Variants in CNTNAP2 observed in about 807,000 individuals in gnomAD.
CNTNAP2 encodes contactin associated protein 2, also known as contactin-associated protein-like 2.
CNTNAP2 carries 98 observed loss-of-function variants against 155.2 expected under a neutral mutation model. That is an observed-to-expected ratio of 0.63 (90% CI 0.54 to 0.75). The LOEUF (loss-of-function observed/expected upper bound fraction) is 0.75. Among genes scored for constraint, CNTNAP2 ranks in the 30% least tolerant of loss-of-function variants. The pLI, the probability that CNTNAP2 is intolerant of heterozygous loss-of-function variation, is 0.00. For missense variants in CNTNAP2, 1,727 were observed against 1,688.1 expected, an observed-to-expected ratio of 1.02 and a Z score of -0.40; for synonymous variants, 651 against 631.2, an observed-to-expected ratio of 1.03 and a Z score of -0.47.
chr7:148,234,421 T>C (rs1185665049), intron 20 of CNTNAP2, among the ~76,000 whole-genome samples: 1 of 152,268 alleles, frequency 6.6e-6, no homozygotes, highest in Non-Finnish European at 1.5e-5. Flanking sequence ...ATATGCTATG[T>C]ACCCACCATT....
rs58638014 is a variant in CNTNAP2, at chr7:147,498,171, TA to T, written c.1777+12150del. ...CCTGATGGGAAAGCCCAAGCTATGA[TA>T]AAAAAAAAAAAAAAAAAAATCTCCT... On this transcript the variant is annotated intron_variant, in intron 11 of 23. Coordinates refer to ENST00000361727, the MANE Select transcript of CNTNAP2 (RefSeq NM_014141.6). Among the ~76,000 whole-genome samples, 565 of 130,366 alleles carry T rather than the reference TA, an allele frequency of 4.3e-3. 1 individual carries two copies. Among genetic ancestry groups the T allele is most frequent in the Middle Eastern group, 8.2e-3 (2 of 244 alleles). 85.5% of individuals were successfully genotyped at this position (130,366 alleles called of 152,430 possible). A position where few individuals can be genotyped will look rare whatever the true frequency, so the allele number is the denominator to read the frequency against.
At chr7:147,321,876 T>C (rs1239295433) in intron 9 of CNTNAP2, among the ~76,000 whole-genome samples, 1 of 152,182 alleles carries the variant, frequency 6.6e-6, no homozygotes, top group Non-Finnish European at 1.5e-5. Flanking sequence ...TTTTTATGTA[T>C]AGTACAAACT....
At chr7:146,737,307 T>C (rs1801637833) in intron 1 of CNTNAP2, among the ~76,000 whole-genome samples, 1 of 152,148 alleles carries the variant, frequency 6.6e-6, no homozygotes, top group Non-Finnish European at 1.5e-5. Context: ...TTCAACTCAG[T>C]ATTTTTGAAG....
intron 13 of CNTNAP2, among the ~76,000 whole-genome samples, chr7:147,710,399 A>G (rs1796385898): frequency 6.6e-6 from 1 of 152,138 alleles, no homozygotes; most frequent in South Asian, 2.1e-4. Flanking sequence ...TCTAGCTATA[A>G]CCAGTTATAA....
At chr7:146,329,913 C>T (rs1801154501) in intron 1 of CNTNAP2, among the ~76,000 whole-genome samples, 1 of 151,878 alleles carries the variant, frequency 6.6e-6, no homozygotes, top group South Asian at 2.1e-4. Context: ...ATTTTATACC[C>T]CCATAATTTA....
At chr7:147,135,249 T>C (rs932228238) in intron 8 of CNTNAP2, among the ~76,000 whole-genome samples, 13 of 151,862 alleles carry the variant, frequency 8.6e-5, no homozygotes, top group African/African-American at 3.1e-4. Context: ...ACTTGACTTA[T>C]GAAATTCAGT....
chr7:147,932,955 A>AAAAAGATTG (rs1800532694), intron 14 of CNTNAP2, among the ~76,000 whole-genome samples: 1 of 152,206 alleles, frequency 6.6e-6, no homozygotes. Context: ...ATAGATACAT[A>AAAAAGATTG]AAAAGATTGT....
chr7:147,486,391 A>T (rs1197016216), intron 11 of CNTNAP2, among the ~76,000 whole-genome samples: 1 of 152,128 alleles, frequency 6.6e-6, no homozygotes, highest in Non-Finnish European at 1.5e-5. Flanking sequence ...GATGTCTCTG[A>T]CTGGACCCTC....
intron 3 of CNTNAP2, among the ~76,000 whole-genome samples, chr7:147,014,969 A>C (rs918945144): frequency 5.3e-5 from 8 of 152,198 alleles, no homozygotes; most frequent in African/African-American, 1.9e-4. Context: ...AAGAAGCCTT[A>C]CTACAAAATG....
chr7:146,632,942 C>CAAA (rs71165021), intron 1 of CNTNAP2, among the ~76,000 whole-genome samples: 29 of 145,088 alleles, frequency 2.0e-4, no homozygotes, highest in African/African-American at 6.9e-4. Context: ...AATTGGTAAG[C>CAAA]AAAAAAAAAA....
chr7:147,022,138 A>G (rs1798828514), intron 3 of CNTNAP2, among the ~76,000 whole-genome samples: 1 of 152,150 alleles, frequency 6.6e-6, no homozygotes, highest in Non-Finnish European at 1.5e-5. Flanking sequence ...CCAGAATTAC[A>G]AACAGTATCT....
chr7:147,377,808 A>AG (rs1157127686), intron 9 of CNTNAP2, among the ~76,000 whole-genome samples: 1 of 151,800 alleles, frequency 6.6e-6, no homozygotes, highest in African/African-American at 2.4e-5. Flanking sequence ...ATTGTTCCTT[A>AG]GGGATACTCT....
chr7:148,246,935 A>C (rs539745737), intron 20 of CNTNAP2, among the ~76,000 whole-genome samples: 3 of 152,232 alleles, frequency 2.0e-5, no homozygotes, highest in Non-Finnish European at 4.4e-5. Flanking sequence ...TTTGTATTCA[A>C]TTGAATGTTT....
intron 13 of CNTNAP2, among the ~76,000 whole-genome samples, chr7:147,802,649 A>G (rs13309014): frequency 0.37 from 55,862 of 151,188 alleles, 10,777 homozygotes; most frequent in African/African-American, 0.49. Context: ...GGCGGCGCGC[A>G]CCTGCAATCG....
At chr7:146,242,311 G>A (rs549957457) in intron 1 of CNTNAP2, among the ~76,000 whole-genome samples, 25 of 152,068 alleles carry the variant, frequency 1.6e-4, no homozygotes, top group Non-Finnish European at 3.1e-4. Flanking sequence ...AGGCTGAGGC[G>A]GGCTGATCAA....
intron 3 of CNTNAP2, among the ~76,000 whole-genome samples, chr7:146,986,871 G>A (rs1798122836): frequency 6.6e-6 from 1 of 151,666 alleles, no homozygotes; most frequent in Admixed American, 6.6e-5. Flanking sequence ...TTTTTTCTAG[G>A]CTGCCACTGT....
At chr7:148,401,668 G>A (rs372290873) in intron 22 of CNTNAP2, among the ~76,000 whole-genome samples, 2 of 150,866 alleles carry the variant, frequency 1.3e-5, no homozygotes, top group East Asian at 1.9e-4. Context: ...GCACAATCTC[G>A]GCTCACTGCA....
At chr7:146,660,569 A>G (rs759088294) in intron 1 of CNTNAP2, among the ~76,000 whole-genome samples, 5 of 152,218 alleles carry the variant, frequency 3.3e-5, no homozygotes, top group African/African-American at 1.2e-4. Context: ...TTTAATTCCA[A>G]TGTGCCTACT....
chr7:146,403,176 T>C (rs192034415), intron 1 of CNTNAP2, among the ~76,000 whole-genome samples: 2 of 152,280 alleles, frequency 1.3e-5, no homozygotes, highest in Admixed American at 6.5e-5. Context: ...TTTTTAATTA[T>C]ATACTTTTTC....
Sources: allele counts gnomAD v4.1 joint callset (sites outside exome capture counted in the v4.1 genomes callset), GRCh38; gene constraint gnomAD v4.1.1; transcripts MANE v1.5; gene names NCBI Gene and HGNC (gene_info 2026-07-23, HGNC 2026-07-21).